Variants in FOXP2 observed in about 807,000 individuals in gnomAD.
The protein encoded by FOXP2 is forkhead box P2.
A neutral mutation model predicts 115.8 loss-of-function variants in FOXP2; 12 were observed. That is an observed-to-expected ratio of 0.10 (90% CI 0.07 to 0.17). The LOEUF (loss-of-function observed/expected upper bound fraction) is 0.17, where lower values mean the gene tolerates loss of function less well. Among genes scored for constraint, FOXP2 ranks in the 10% least tolerant of loss-of-function variants. The pLI is 1.00. For synonymous variants in FOXP2, 328 were observed against 297.7 expected (o/e 1.10, Z -1.05); for missense variants, 629 against 843.5 (o/e 0.75, Z 3.15).
At chr7:114,642,377 G>T in intron 6 of FOXP2, 33 bp from the exon 7 acceptor site, 1 of 1,564,042 alleles carries the variant, frequency 6.4e-7, no homozygotes, top group South Asian at 1.1e-5. Flanking sequence ...CCTTTACCTT[G>T]TTATGCTAGT....
At chr7:114,678,342 ATACCTG>A (rs1324795729) in intron 16 of FOXP2, among the ~76,000 whole-genome samples, 1 of 152,106 alleles carries the variant, frequency 6.6e-6, no homozygotes, top group African/African-American at 2.4e-5. Flanking sequence ...CTGGATGGGG[ATACCTG>A]TAAAATGAGA....
intron 3 of FOXP2, among the ~76,000 whole-genome samples, chr7:114,562,799 C>T (rs901531688): frequency 1.3e-5 from 2 of 151,818 alleles, no homozygotes; most frequent in East Asian, 1.9e-4. Flanking sequence ...ATCATTAGGC[C>T]ATTAGAAAGA....
intron 1 of FOXP2, among the ~76,000 whole-genome samples, chr7:114,182,616 CT>C (rs781470869): frequency 5.3e-4 from 76 of 142,364 alleles, no homozygotes; most frequent in Admixed American, 5.7e-4. Flanking sequence ...TTGTGTTTGT[CT>C]TTTTTTTTTT....
intron 1 of FOXP2, among the ~76,000 whole-genome samples, chr7:114,101,884 T>C (rs542207411): frequency 1.4e-5 from 2 of 146,652 alleles, no homozygotes; most frequent in South Asian, 4.3e-4. Flanking sequence ...TGATTTTCCA[T>C]TTCGCTTCAA....
chr7:114,138,817 G>A (rs573789947), intron 1 of FOXP2, among the ~76,000 whole-genome samples: 134 of 152,270 alleles, frequency 8.8e-4, no homozygotes, highest in African/African-American at 3.1e-3. Flanking sequence ...GTCACAGCCA[G>A]GGGGAGTCTA....
intron 3 of FOXP2, among the ~76,000 whole-genome samples, chr7:114,600,874 T>A (rs1412012373): frequency 6.6e-6 from 1 of 152,204 alleles, no homozygotes; most frequent in African/African-American, 2.4e-5. Flanking sequence ...TTATAAGAGT[T>A]CTTTGTATAT....
chr7:114,360,012 C>T (rs1442736713), intron 2 of FOXP2, among the ~76,000 whole-genome samples: 2 of 152,106 alleles, frequency 1.3e-5, no homozygotes, highest in Non-Finnish European at 2.9e-5. Flanking sequence ...GCTGTGTCCC[C>T]ACCCAAATCT....
chr7:114,458,856 G>T (rs1349129306), intron 2 of FOXP2, among the ~76,000 whole-genome samples: 2 of 151,984 alleles, frequency 1.3e-5, no homozygotes, highest in East Asian at 3.9e-4. Flanking sequence ...AAACTTAGTG[G>T]CCTGAAACAA....
intron 2 of FOXP2, among the ~76,000 whole-genome samples, chr7:114,435,631 A>C (rs10246733): frequency 0.5 from 75,453 of 151,986 alleles, 19,451 homozygotes; most frequent in African/African-American, 0.62. Flanking sequence ...TCTGCCTCCC[A>C]GGTTCAAGAG....
At chr7:114,542,551 A>C (rs539328102) in intron 3 of FOXP2, among the ~76,000 whole-genome samples, 50 of 152,194 alleles carry the variant, frequency 3.3e-4, no homozygotes, top group African/African-American at 1.2e-3. Flanking sequence ...TTTTTAAAAA[A>C]TTGTCTTCAG....
rs1012918998 is a variant in FOXP2, at chr7:114,678,329, T to C, written c.2004-11453T>C. On this transcript the variant is annotated intron_variant, in intron 16 of 16. Coordinates refer to ENST00000350908, the MANE Select transcript of FOXP2 (RefSeq NM_014491.4). ...CTCCTTTGCCTCAGGACAGGCAGCC[T>C]GCCTGGATGGGGATACCTGTAAAAT... Among the ~76,000 whole-genome samples, 3 of 152,152 alleles carry C rather than the reference T, an allele frequency of 2.0e-5. No homozygotes were observed. The South Asian group carries it at 6.2e-4, about 32-fold the overall frequency.
intron 2 of FOXP2, among the ~76,000 whole-genome samples, chr7:114,354,672 G>C (rs1341505929): frequency 2.6e-5 from 4 of 152,026 alleles, no homozygotes; most frequent in Admixed American, 6.6e-5. Flanking sequence ...CAAGTCTCTA[G>C]ATAACATGTT....
rs185643348 is a variant in FOXP2 at position 114,405,788 on chromosome 7, A to G, written c.-10-20714A>G. ...GAAAATTCACTATGAAGTCTTTGAGATTTAAATTTCTGGTATGATATTTCT... is the reference window on the plus strand; with the variant it reads ...GAAAATTCACTATGAAGTCTTTGAGGTTTAAATTTCTGGTATGATATTTCT... On this transcript the variant is annotated intron_variant, in intron 2 of 17. Coordinates refer to the FOXP2 transcript ENST00000634411. Among the ~76,000 whole-genome samples the G allele has an allele frequency of 1.3e-4, 20 of 152,016 alleles. No homozygotes were observed. The East Asian group carries it at 3.9e-3, about 29-fold the overall frequency.
intron 2 of FOXP2, among the ~76,000 whole-genome samples, chr7:114,402,351 A>G (rs1247965908): frequency 6.6e-6 from 1 of 152,126 alleles, no homozygotes; most frequent in African/African-American, 2.4e-5. Flanking sequence ...CAAGAATGAT[A>G]TTTTCACTGT....
intron 2 of FOXP2, among the ~76,000 whole-genome samples, chr7:114,442,837 A>T (rs1794669624): frequency 6.6e-6 from 1 of 152,218 alleles, no homozygotes; most frequent in African/African-American, 2.4e-5. Context: ...GGCCAAAAAA[A>T]TGGTGACATA....
At chr7:114,332,330 C>T (rs995045426) in intron 2 of FOXP2, among the ~76,000 whole-genome samples, 10 of 152,046 alleles carry the variant, frequency 6.6e-5, no homozygotes, top group Non-Finnish European at 1.5e-4. Context: ...TTGTTTTCTT[C>T]CTTCATGAAA....
chr7:114,693,672 C>T lies in FOXP2; in HGVS notation c.*3746C>T, dbSNP rs921492967. ...GAATTAATGTATGAACAGTGTGTCA[C>T]TGCTGTTGGATGTAAAAATGTATAT... On this transcript the variant is annotated 3_prime_UTR_variant, in exon 17 of 17. Transcript: ENST00000350908. 4 of 391,896 alleles carry T rather than the reference C, an allele frequency of 1.0e-5. No individual in the cohort carries two copies. The highest frequency in any genetic ancestry group is 6.3e-5 in the African/African-American group (3 of 47,700). 24.3% of individuals were successfully genotyped at this position (391,896 alleles called of 1,614,324 possible).
chr7:114,394,193 C>G (rs1173248019), intron 2 of FOXP2, among the ~76,000 whole-genome samples: 3 of 151,908 alleles, frequency 2.0e-5, no homozygotes, highest in African/African-American at 7.3e-5. Context: ...AAGCCTGGAG[C>G]ATCTTGTGCC....
rs527539187 is a variant in FOXP2 at position 114,672,850 on chromosome 7, A to G, written c.2003+8414A>G. Among the ~76,000 whole-genome samples the G allele has an allele frequency of 6.0e-4, 91 of 152,236 alleles. 1 individual carries two copies. Among genetic ancestry groups the G allele is most frequent in the Non-Finnish European group, 1.0e-3 (68 of 68,012 alleles). ...CAGCTTCACCAGGAGCCAGCAGCGG[A>G]TGGGTAACAACTCCAATAGGGCAGT... On this transcript the variant is annotated intron_variant, in intron 16 of 16. Transcript: ENST00000350908.
Sources: gnomAD v4.1 joint callset for allele counts (sites outside exome capture counted in the v4.1 genomes callset) on GRCh38, gnomAD v4.1.1 for gene constraint, MANE v1.5 for transcripts, NCBI Gene and HGNC (gene_info 2026-07-23, HGNC 2026-07-21) for gene names.